The following PCDHGB1 variants were observed in gnomAD, a reference collection of about 807,000 sequenced individuals.
The protein encoded by PCDHGB1 is protocadherin gamma-B1.
In PCDHGB1, 34 loss-of-function variants were observed where a neutral mutation model predicts 56.6. The ratio of observed to expected loss-of-function variants is 0.60; its 90% CI spans 0.46 to 0.80. The LOEUF is 0.80. PCDHGB1 is among the 30% of genes least tolerant of loss of function. The pLI is 0.00. For missense variants in PCDHGB1, 1,278 were observed against 1,204.6 expected (o/e 1.06, Z -0.90); for synonymous variants, 561 against 505.9 (o/e 1.11, Z -1.46).
In PCDHGB1 at chr5:141,485,629, C is replaced by G. The variant is rs1028146827; in HGVS notation, c.2410-9178C>G. The G allele has an allele frequency of 1.2e-6, 2 of 1,611,902 alleles. No individual in the cohort carries two copies. The highest frequency in any genetic ancestry group is 3.3e-5 in the Admixed American group (2 of 59,922). On this transcript the variant is annotated intron_variant, in intron 1 of 3. Coordinates refer to ENST00000523390, the MANE Select transcript of PCDHGB1 (RefSeq NM_018922.3). This position sits in a 1 kb window ranked among gnomAD's most constrained non-coding sequence, Gnocchi z 5.7. ...AGGCAGCTCCTCCAGGACAGCGTTTCCCGTTGGAAAAGGCTCAGGATGCAG... is the reference window on the plus strand; with the variant it reads ...AGGCAGCTCCTCCAGGACAGCGTTTGCCGTTGGAAAAGGCTCAGGATGCAG...
chr5:141,452,652 C>T (rs1420422511), intron 1 of PCDHGB1, among the ~76,000 whole-genome samples: 1 of 151,916 alleles, frequency 6.6e-6, no homozygotes. Flanking sequence ...TCATTTGCTC[C>T]ATCCACTGCA....
chr5:141,449,300 T>C (rs2098635283), intron 1 of PCDHGB1, among the ~76,000 whole-genome samples: 1 of 152,090 alleles, frequency 6.6e-6, no homozygotes, highest in Non-Finnish European at 1.5e-5. Flanking sequence ...GGGTGAATTA[T>C]ATGTATTATA....
intron 1 of PCDHGB1, chr5:141,423,577 G>A (rs1348410879): frequency 6.2e-7 from 1 of 1,613,478 alleles, no homozygotes; most frequent in Non-Finnish European, 8.5e-7. Context: ...CATCAGCCAG[G>A]AGAGCTGTGA....
At chr5:141,484,287 C>T (rs1432341538) in intron 1 of PCDHGB1, among the ~76,000 whole-genome samples, 1 of 152,268 alleles carries the variant, frequency 6.6e-6, no homozygotes, top group Non-Finnish European at 1.5e-5. Context: ...GAAACATCTC[C>T]CTCTCCTGGC....
intron 3 of PCDHGB1, among the ~76,000 whole-genome samples, chr5:141,508,629 T>C (rs934648689): frequency 6.6e-6 from 1 of 152,054 alleles, no homozygotes; most frequent in Non-Finnish European, 1.5e-5. Context: ...GGGCCGAGCT[T>C]CTAGCTACTC....
intron 1 of PCDHGB1, chr5:141,404,131 A>G (rs756505012): frequency 1.2e-6 from 2 of 1,613,162 alleles, no homozygotes; most frequent in South Asian, 2.2e-5. Context: ...TATCTTTTAC[A>G]TTAGAAAATT....
At chr5:141,404,395 CA>C (rs2094524205) in intron 1 of PCDHGB1, 7 of 1,613,768 alleles carry the variant, frequency 4.3e-6, no homozygotes, top group Non-Finnish European at 5.9e-6. Flanking sequence ...ACCCTGATAG[CA>C]ATGAGAATTC....
intron 1 of PCDHGB1, among the ~76,000 whole-genome samples, chr5:141,459,014 T>C (rs1429233660): frequency 6.6e-6 from 1 of 152,240 alleles, no homozygotes; most frequent in East Asian, 1.9e-4. Context: ...ATTACAGGCA[T>C]GAGCCACCAC....
rs528252306 is a variant in PCDHGB1 at position 141,372,422 on chromosome 5, C to G, written c.2409+19753C>G. On this transcript the variant is annotated intron_variant, in intron 1 of 3. Coordinates refer to ENST00000523390, the MANE Select transcript of PCDHGB1 (RefSeq NM_018922.3). ...TGCAAGAGATACAACCTGACCTTAG[C>G]GACCGCCCCACTCCCTCTGACCCTC... The G allele has an allele frequency of 2.2e-5, 36 of 1,614,042 alleles. 2 individuals carry two copies. The South Asian group carries it at 3.7e-4, about 17-fold the overall frequency.
intron 1 of PCDHGB1, chr5:141,398,967 C>T: frequency 6.2e-7 from 1 of 1,613,942 alleles, no homozygotes; most frequent in Non-Finnish European, 8.5e-7. Flanking sequence ...TTACTTATTC[C>T]TTCTACAGAA....
At position 141,393,516 on chromosome 5, in the gene PCDHGB1, A is replaced by G. The variant is rs368866192; in HGVS notation, c.2409+40847A>G. 1.5e-5 allele frequency: 24 copies of G among 1,614,046 alleles called. No homozygotes were observed. Among genetic ancestry groups the G allele is most frequent in the African/African-American group, 2.7e-5 (2 of 75,084 alleles). ...GCGCATCCACGTGACAGTGTTGGAT[A>G]CAAATGACAATGCCCCGGTTTTTCC... is the stretch of plus-strand genomic sequence containing the variant. On this transcript the variant is annotated intron_variant, in intron 1 of 3. Transcript: ENST00000523390.
chr5:141,450,450 C>T (rs964666176), intron 1 of PCDHGB1, among the ~76,000 whole-genome samples: 5 of 151,996 alleles, frequency 3.3e-5, no homozygotes, highest in African/African-American at 9.7e-5. Context: ...TTTTATGTTT[C>T]CTCGTGATTT....
chr5:141,426,998 A>C (rs981827933), intron 1 of PCDHGB1: 8 of 456,664 alleles, frequency 1.8e-5, no homozygotes, highest in African/African-American at 1.6e-4. Flanking sequence ...ATAATGCCCC[A>C]GTTTTTAGCC....
chr5:141,405,677 C>T (rs1204978047), intron 1 of PCDHGB1, among the ~76,000 whole-genome samples: 3 of 152,088 alleles, frequency 2.0e-5, no homozygotes, highest in African/African-American at 7.2e-5. Context: ...GGGGTGTCAC[C>T]ATGTTGGCCA....
At chr5:141,505,260 C>T in intron 2 of PCDHGB1, 133 bp from the exon 3 acceptor site, 2 of 1,502,832 alleles carry the variant, frequency 1.3e-6, no homozygotes, top group South Asian at 1.3e-5. Context: ...TGCCTCCTAC[C>T]TTGCTGAGAG....
rs181587578 is a variant in PCDHGB1, at chr5:141,366,566, G to T, written c.2409+13897G>T. 1.9e-6 allele frequency: 3 copies of T among 1,614,254 alleles called. No homozygotes were observed. The East Asian group carries it at 6.7e-5, about 36-fold the overall frequency. ...CTCGCACTTTGTGGGCGTGGATGGG[G>T]TTCGGGCTTTCCTGCAGACCTATTC... On this transcript the variant is annotated intron_variant, in intron 1 of 3. Coordinates refer to ENST00000523390, the MANE Select transcript of PCDHGB1 (RefSeq NM_018922.3).
intron 1 of PCDHGB1, among the ~76,000 whole-genome samples, chr5:141,450,013 T>A (rs1178482524): frequency 7.4e-6 from 1 of 135,940 alleles, no homozygotes; most frequent in African/African-American, 3.2e-5. Flanking sequence ...TCTCTTTTTT[T>A]TTTTTTTTTT....
chr5:141,366,281 C>A, intron 1 of PCDHGB1: 1 of 1,613,726 alleles, frequency 6.2e-7, no homozygotes, highest in Non-Finnish European at 8.5e-7. Flanking sequence ...AGACCATGGC[C>A]AGCCCCCTCT....
chr5:141,416,819 G>A (rs952251457), intron 1 of PCDHGB1: 5 of 151,982 alleles, frequency 3.3e-5, no homozygotes, highest in African/African-American at 9.7e-5. Flanking sequence ...AAAGCATTCC[G>A]AAGTTTCTCA....
Sources: allele counts gnomAD v4.1 joint callset (sites outside exome capture counted in the v4.1 genomes callset), GRCh38; gene constraint gnomAD v4.1.1; non-coding constraint Gnocchi (gnomAD v3.1); transcripts MANE v1.5; gene names NCBI Gene and HGNC (gene_info 2026-07-23, HGNC 2026-07-21).